Variants in MGAM observed in about 807,000 individuals in gnomAD.
MGAM encodes the protein maltase-glucoamylase.
In MGAM, 253 loss-of-function variants were observed where a neutral mutation model predicts 358.8. The observed-to-expected ratio is 0.71, with a 90% CI of 0.64 to 0.78. The LOEUF is 0.78. MGAM is among the 30% of genes least tolerant of loss of function. MGAM has a pLI of 0.00. For synonymous variants in MGAM, 1,105 were observed against 1,227.1 expected (o/e 0.90, Z 2.08); for missense variants, 3,080 against 3,432.6 (o/e 0.90, Z 2.57).
At chr7:142,083,653 TATG>T (rs1297188472) in intron 53 of MGAM, among the ~76,000 whole-genome samples, 1 of 145,660 alleles carries the variant, frequency 6.9e-6, no homozygotes, top group African/African-American at 2.4e-5. Flanking sequence ...GTGATAGTAG[TATG>T]GTGGTGGTGG....
intron 2 of MGAM, among the ~76,000 whole-genome samples, chr7:141,987,794 T>C (rs1389556779): frequency 6.6e-6 from 1 of 152,216 alleles, no homozygotes; most frequent in Non-Finnish European, 1.5e-5. Context: ...AAAGCCATTT[T>C]CTGTATTTAC....
intron 21 of MGAM, among the ~76,000 whole-genome samples, chr7:142,043,644 T>C (rs1809413811): frequency 7.4e-6 from 1 of 134,968 alleles, no homozygotes; most frequent in African/African-American, 2.8e-5. Context: ...ATACATATAC[T>C]ATCTAATATA....
rs1388598940 is a variant in MGAM, at chr7:142,073,800, G to A, written c.5187-285G>A. On this transcript the variant is annotated intron_variant, in intron 44 of 70. Transcript: ENST00000475668. ...CTTCTCATACTCTGTATTCCGAACA[G>A]TGGTTGCAGAAGCAGCTTTTATTTG... is the stretch of plus-strand genomic sequence containing the variant. 3.4e-5 allele frequency among the ~76,000 whole-genome samples: 5 copies of A among 146,174 alleles called. 1 individual carries two copies. Among genetic ancestry groups the A allele is most frequent in the Non-Finnish European group, 7.7e-5 (5 of 64,596 alleles).
chr7:142,056,727 C>T, intron 29 of MGAM, 103 bp from the exon 30 acceptor site: 1 of 1,119,220 alleles, frequency 8.9e-7, no homozygotes, highest in South Asian at 1.5e-5. Flanking sequence ...TGTTACTACT[C>T]TATGATAGGG....
chr7:142,062,812 C>A, intron 35 of MGAM, 110 bp downstream of exon 35: 1 of 1,532,892 alleles, frequency 6.5e-7, no homozygotes, highest in Non-Finnish European at 8.8e-7. Context: ...CCAAAGAAGA[C>A]TTTGGACATA....
chr7:142,103,132 A>T, intron 69 of MGAM, 137 bp from the exon 70 acceptor site: 1 of 768,274 alleles, frequency 1.3e-6, no homozygotes, highest in Non-Finnish European at 2.0e-6. Context: ...TGAAATCATG[A>T]TTTCCATGAT....
In MGAM at chr7:142,084,603, T is replaced by A; in HGVS notation, c.6466T>A (p.Ser2156Thr). 1.3e-6 allele frequency: 2 copies of A among 1,556,538 alleles called. No homozygotes were observed. The highest frequency in any genetic ancestry group is 1.8e-6 in the Non-Finnish European group (2 of 1,132,798). Reference sequence around the variant, plus strand: ...TGGCTACCAGAACGACTCTGAGATCTCCAGCTTGTATGATGAGATGGTGGC... The same window carrying A: ...TGGCTACCAGAACGACTCTGAGATCACCAGCTTGTATGATGAGATGGTGGC... ...RYGYQNDSEISSLYDEMVAAQ... is the reference protein window; with the variant it reads ...RYGYQNDSEITSLYDEMVAAQ... The change falls in exon 54 of 71, where the codon TCC becomes ACC. Residue 2156 changes from serine to threonine, a missense_variant. By Grantham distance (58) the Ser-to-Thr change is moderately conservative. Transcript: ENST00000475668.
intron 12 of MGAM, 112 bp downstream of exon 12, chr7:142,030,869 G>A (rs1464754274): frequency 8.5e-6 from 6 of 707,906 alleles, no homozygotes; most frequent in Non-Finnish European, 1.5e-5. Flanking sequence ...TACATTTTCA[G>A]TATATTTATA....
intron 18 of MGAM, among the ~76,000 whole-genome samples, chr7:142,037,335 A>G (rs188073632): frequency 1.3e-5 from 2 of 152,280 alleles, no homozygotes; most frequent in East Asian, 1.9e-4. Flanking sequence ...CTTGACTGTG[A>G]TGGTCTCATC....
intron 53 of MGAM, among the ~76,000 whole-genome samples, chr7:142,083,645 G>A (rs1435177935): frequency 2.7e-5 from 4 of 146,292 alleles, no homozygotes; most frequent in African/African-American, 9.7e-5. Flanking sequence ...TGATGGTAGT[G>A]ATAGTAGTAT....
chr7:142,058,232 C>T lies in MGAM; in HGVS notation c.3723C>T (p.Tyr1241=). The T allele has an allele frequency of 6.2e-7, 1 of 1,613,896 alleles. No homozygotes were observed. The highest frequency in any genetic ancestry group is 1.1e-5 in the South Asian group (1 of 91,064). ...TTGGCCGGCCTGTGATGGTACCTTACTGGTCTTTGGGGTTCCAGCTGTGTC... is the reference window on the plus strand; with the variant it reads ...TTGGCCGGCCTGTGATGGTACCTTATTGGTCTTTGGGGTTCCAGCTGTGTC... ...ELIGRPVMVP[Y]WSLGFQLCRY... is the part of the protein sequence containing the mutation. Residue 1241 remains tyrosine (Y), a synonymous_variant, in exon 31 of 71, where the codon TAC becomes TAT. Transcript: ENST00000475668.
chr7:142,000,812 AGTTTTT>A (rs1554450363), intron 1 of MGAM, among the ~76,000 whole-genome samples: 6 of 152,166 alleles, frequency 3.9e-5, no homozygotes, highest in African/African-American at 1.4e-4. Context: ...TAATTTTAAT[AGTTTTT>A]ACCAAGTCTT....
intron 3 of MGAM, among the ~76,000 whole-genome samples, chr7:142,018,949 T>G (rs567357348): frequency 0.037 from 5,600 of 152,200 alleles, 335 homozygotes; most frequent in African/African-American, 0.13. Flanking sequence ...GTTTTTTTTT[T>G]TGTGATAAAA....
intron 67 of MGAM, among the ~76,000 whole-genome samples, chr7:142,100,299 G>C (rs1816329248): frequency 6.6e-6 from 1 of 152,144 alleles, no homozygotes; most frequent in Non-Finnish European, 1.5e-5. Context: ...GAGCAAAAAG[G>C]CTAAGTGATT....
intron 7 of MGAM, 46 bp from the exon 8 acceptor site, chr7:142,025,004 G>A (rs782196436): frequency 7.1e-7 from 1 of 1,398,684 alleles, no homozygotes; most frequent in Admixed American, 1.7e-5. Context: ...GTGTGATGCT[G>A]AGACTTCTTA....
At chr7:142,019,348 G>A (rs782374827) in intron 4 of MGAM, 29 bp downstream of exon 4, 1 of 1,607,042 alleles carries the variant, frequency 6.2e-7, no homozygotes, top group Non-Finnish European at 8.5e-7. Flanking sequence ...TGATGCAGGA[G>A]GTCCAGACCC....
At chr7:142,032,947 G>T (rs782590286) in intron 14 of MGAM, 38 bp downstream of exon 14, 9 of 1,368,768 alleles carry the variant, frequency 6.6e-6, no homozygotes, top group Non-Finnish European at 9.2e-6. Flanking sequence ...GTAGCCATAT[G>T]TATTTCATAT....
At position 142,092,784 on chromosome 7, in the gene MGAM, A is replaced by C. The variant is rs138351621; in HGVS notation, c.7033+176A>C. ...GCGCTTTACCCAGCTGGGCATGTGCAAGTGACTAGACTCATTGCACAAATT... is the reference window on the plus strand; with the variant it reads ...GCGCTTTACCCAGCTGGGCATGTGCCAGTGACTAGACTCATTGCACAAATT... On this transcript the variant is annotated intron_variant, in intron 59 of 70. Transcript: ENST00000475668. 1.1e-3 allele frequency among the ~76,000 whole-genome samples: 160 copies of C among 146,992 alleles called. 4 individuals are homozygous for C. The highest frequency in any genetic ancestry group is 3.5e-3 in the African/African-American group (146 of 41,318).
chr7:142,035,756 C>T (rs1206746251), intron 16 of MGAM, among the ~76,000 whole-genome samples: 1 of 151,848 alleles, frequency 6.6e-6, no homozygotes, highest in African/African-American at 2.4e-5. Context: ...AAGGAAGTCC[C>T]GGAGATTTTT....
Sources: gnomAD v4.1 joint callset for allele counts (sites outside exome capture counted in the v4.1 genomes callset) on GRCh38, gnomAD v4.1.1 for gene constraint, MANE v1.5 for transcripts, NCBI Gene and HGNC (gene_info 2026-07-23, HGNC 2026-07-21) for gene names.